The following LRRC36 variants were observed in gnomAD, a reference collection of about 807,000 sequenced individuals.
LRRC36 encodes leucine-rich repeat-containing protein 36.
In LRRC36, 62 loss-of-function variants were observed where a neutral mutation model predicts 81.1. The ratio of observed to expected loss-of-function variants is 0.76; its 90% confidence interval spans 0.62 to 0.94. LRRC36 has a LOEUF of 0.94. LRRC36 is among the 40% of genes least tolerant of loss of function. The pLI, the probability that LRRC36 is intolerant of heterozygous loss-of-function variation, is 0.00. For synonymous variants in LRRC36, 334 were observed against 348.6 expected, an observed-to-expected ratio of 0.96 and a Z score of 0.47; for missense variants, 761 against 881.7, an observed-to-expected ratio of 0.86 and a Z score of 1.73.
intron 5 of LRRC36, among the ~76,000 whole-genome samples, chr16:67,350,813 C>G (rs529723150): frequency 6.6e-6 from 1 of 152,162 alleles, no homozygotes; most frequent in African/African-American, 2.4e-5. Context: ...CCGAGGCAGA[C>G]AGATCACCTG....
At chr16:67,331,205 T>A (rs1231204049) in intron 1 of LRRC36, among the ~76,000 whole-genome samples, 1 of 151,946 alleles carries the variant, frequency 6.6e-6, no homozygotes, top group East Asian at 1.9e-4. Context: ...CCTAATCACC[T>A]CTTAGAGGCC....
intron 1 of LRRC36, among the ~76,000 whole-genome samples, chr16:67,336,070 T>A (rs1407108698): frequency 6.6e-6 from 1 of 152,192 alleles, no homozygotes; most frequent in Non-Finnish European, 1.5e-5. Context: ...TTTCAGAATG[T>A]CATATAGTTG....
chr16:67,326,922 G>A lies in LRRC36; in HGVS notation c.60G>A (p.Leu20=). Residue 20 remains leucine, a synonymous_variant, in exon 1 of 14, where the codon CTG becomes CTA. Coordinates refer to ENST00000329956, the MANE Select transcript of LRRC36 (RefSeq NM_018296.6). ...EGIRRLGALT[L]EQPELVESLS... Reference sequence around the variant, plus strand: ...TTCGCCGCCTGGGGGCGCTGACGCTGGAGCAGCCGGGTAGGGTCTGGCCGG... The same window carrying A: ...TTCGCCGCCTGGGGGCGCTGACGCTAGAGCAGCCGGGTAGGGTCTGGCCGG... 1 of 1,493,932 alleles carries A rather than the reference G, an allele frequency of 6.7e-7. No individual in the cohort carries two copies. Among genetic ancestry groups the A allele is most frequent in the Non-Finnish European group, 8.8e-7 (1 of 1,133,440 alleles). The allele number at this position is 1,493,932 out of a possible 1,614,324, so 92.5% of individuals were successfully genotyped here. A position where few individuals can be genotyped will look rare whatever the true frequency, so the allele number is the denominator to read the frequency against.
intron 5 of LRRC36, among the ~76,000 whole-genome samples, chr16:67,362,015 G>C (rs1018339125): frequency 2.0e-5 from 3 of 152,074 alleles, no homozygotes; most frequent in Admixed American, 2.0e-4. Flanking sequence ...CAGATTGCTT[G>C]AGCCCAGGAG....
At chr16:67,376,080 T>C (rs573983902) in intron 10 of LRRC36, among the ~76,000 whole-genome samples, 1 of 151,834 alleles carries the variant, frequency 6.6e-6, no homozygotes, top group Admixed American at 6.6e-5. Context: ...GAGGCCGAGG[T>C]GGGTGGATCA....
chr16:67,334,737 A>AC (rs1159061372), intron 1 of LRRC36, among the ~76,000 whole-genome samples: 2 of 151,006 alleles, frequency 1.3e-5, no homozygotes, highest in Admixed American at 1.3e-4. Flanking sequence ...GGTGAAATTC[A>AC]CCCCCGATAT....
intron 5 of LRRC36, among the ~76,000 whole-genome samples, chr16:67,359,951 C>T (rs562960446): frequency 5.9e-5 from 9 of 152,182 alleles, no homozygotes; most frequent in African/African-American, 2.2e-4. Context: ...AGTGAAACCC[C>T]ATCTTCACTA....
chr16:67,338,865 A>ATTTTTTTTTT (rs71145967), intron 1 of LRRC36, among the ~76,000 whole-genome samples: 2 of 45,404 alleles, frequency 4.4e-5, no homozygotes, highest in Admixed American at 3.3e-4. Context: ...TGGAAGCTGA[A>ATTTTTTTTTT]TTTTTTTTTT....
chr16:67,383,954 G>GT (rs1044023519), intron 13 of LRRC36, among the ~76,000 whole-genome samples: 1 of 152,218 alleles, frequency 6.6e-6, no homozygotes, highest in African/African-American at 2.4e-5. Flanking sequence ...GGTGTATAGA[G>GT]TTAGTTCTCA....
At chr16:67,371,980 A>G (rs1335230341) in intron 9 of LRRC36, 1 of 152,518 alleles carries the variant, frequency 6.6e-6, no homozygotes, top group Non-Finnish European at 1.5e-5. Flanking sequence ...GAATTAGATT[A>G]TCCAAGGGAT....
At chr16:67,334,233 A>G (rs993544517) in intron 1 of LRRC36, among the ~76,000 whole-genome samples, 2 of 151,704 alleles carry the variant, frequency 1.3e-5, no homozygotes, top group Admixed American at 6.6e-5. Context: ...GGGTTTCACC[A>G]TGGTCTCGAT....
At chr16:67,353,340 A>G (rs1361290144) in intron 5 of LRRC36, among the ~76,000 whole-genome samples, 1 of 151,850 alleles carries the variant, frequency 6.6e-6, no homozygotes, top group Non-Finnish European at 1.5e-5. Flanking sequence ...TCCACAATTG[A>G]CGAGCCTTCC....
intron 9 of LRRC36, chr16:67,371,685 A>ACCC (rs1332030254): frequency 1.2e-4 from 26 of 214,934 alleles, no homozygotes; most frequent in Non-Finnish European, 2.1e-4. Flanking sequence ...AGCCAGGCCA[A>ACCC]CATGGCGAAA....
chr16:67,378,562 A>G, intron 11 of LRRC36, 27 bp from the exon 12 acceptor site: 1 of 1,610,368 alleles, frequency 6.2e-7, no homozygotes, highest in South Asian at 1.1e-5. Context: ...TTCTTAATGT[A>G]TTTGTATTTT....
Position 67,375,291 on chromosome 16 carries a change from C to T in LRRC36, c.1539C>T (p.Asn513=). The change falls in exon 10 of 14, where the codon AAC becomes AAT. Residue 513 remains asparagine (N), a synonymous_variant. Transcript: ENST00000329956. ...DLGSLHGLAG[N]HSPPISARTP... Reference sequence around the variant, plus strand: ...GTAGTTTGCACGGTTTGGCTGGAAACCACAGTCCCCCCATCTCTGCCAGAA... The same window carrying T: ...GTAGTTTGCACGGTTTGGCTGGAAATCACAGTCCCCCCATCTCTGCCAGAA... 1 of 1,612,894 alleles carries T rather than the reference C, an allele frequency of 6.2e-7. No homozygotes were observed. Among genetic ancestry groups the T allele is most frequent in the Non-Finnish European group, 8.5e-7 (1 of 1,179,782 alleles).
intron 4 of LRRC36, among the ~76,000 whole-genome samples, chr16:67,347,826 T>C (rs1257812358): frequency 6.6e-6 from 1 of 152,210 alleles, no homozygotes; most frequent in Non-Finnish European, 1.5e-5. Context: ...AGAAATTCTC[T>C]AAAGTTGTTG....
At chr16:67,337,659 C>T (rs2037828497) in intron 1 of LRRC36, among the ~76,000 whole-genome samples, 1 of 152,040 alleles carries the variant, frequency 6.6e-6, no homozygotes, top group Non-Finnish European at 1.5e-5. Context: ...CACACTCGGC[C>T]TAATTTTTAT....
At chr16:67,365,250 C>A in intron 6 of LRRC36, 54 bp from the exon 7 acceptor site, 2 of 1,177,538 alleles carry the variant, frequency 1.7e-6, no homozygotes, top group Non-Finnish European at 2.5e-6. Context: ...CTAATAAGCT[C>A]ACATTTGAAC....
chr16:67,368,265 G>A lies in LRRC36; in HGVS notation c.1195+808G>A, dbSNP rs543055052. On this transcript the variant is annotated intron_variant, in intron 8 of 13. Transcript: ENST00000329956. ...TTCATAGAGCTTACATTCTCATGGG[G>A]TAAGACACATGATAAACATTTTAGC... Among the ~76,000 whole-genome samples the A allele has an allele frequency of 5.9e-5, 9 of 152,274 alleles. No homozygotes were observed. In the South Asian group the frequency reaches 1.4e-3, roughly 25 times the overall value.
Sources: gnomAD v4.1 joint callset for allele counts (sites outside exome capture counted in the v4.1 genomes callset) on GRCh38, gnomAD v4.1.1 for gene constraint, MANE v1.5 for transcripts, NCBI Gene and HGNC (gene_info 2026-07-23, HGNC 2026-07-21) for gene names.